The following XRCC4 variants were observed in gnomAD, a reference collection of about 807,000 sequenced individuals.
XRCC4 encodes the protein X-ray repair cross complementing 4.
XRCC4 carries 28 observed loss-of-function variants against 39.1 expected under a neutral mutation model. The ratio of observed to expected loss-of-function variants is 0.72; its 90% confidence interval spans 0.53 to 0.98. The LOEUF is 0.98. XRCC4 is among the 50% of genes least tolerant of loss of function. XRCC4 has a pLI of 0.00. For synonymous variants in XRCC4, 123 were observed against 126.4 expected (o/e 0.97, Z 0.18); for missense variants, 350 against 376.4 (o/e 0.93, Z 0.58).
the XRCC4 span, among the ~76,000 whole-genome samples, chr5:83,369,790 A>G: frequency 6.6e-6 from 1 of 152,146 alleles, no homozygotes; most frequent in Non-Finnish European, 1.5e-5. Flanking sequence ...GCTGGGTCAA[A>G]TGGTAGTTAA....
At chr5:83,321,126 G>C (rs980932869) in intron 7 of XRCC4, among the ~76,000 whole-genome samples, 3 of 152,052 alleles carry the variant, frequency 2.0e-5, no homozygotes, top group African/African-American at 7.2e-5. Flanking sequence ...ACATAATGCT[G>C]TTGCACACTT....
At chr5:83,217,424 G>A (rs2112777030) in intron 6 of XRCC4, among the ~76,000 whole-genome samples, 1 of 150,506 alleles carries the variant, frequency 6.6e-6, no homozygotes, top group South Asian at 2.1e-4. Flanking sequence ...GTACATCCTA[G>A]GTCAAGAAAG....
chr5:83,207,385 C>G (rs1239816522), intron 6 of XRCC4, among the ~76,000 whole-genome samples: 1 of 152,018 alleles, frequency 6.6e-6, no homozygotes, highest in Admixed American at 6.6e-5. Flanking sequence ...TAGTTTATTT[C>G]ATGTTCTTTC....
intron 6 of XRCC4, among the ~76,000 whole-genome samples, chr5:83,217,243 G>C (rs1751895531): frequency 1.3e-5 from 2 of 151,284 alleles, no homozygotes; most frequent in African/African-American, 2.4e-5. Context: ...TGTAGTCCCA[G>C]CTACTTGGGA....
intron 6 of XRCC4, among the ~76,000 whole-genome samples, chr5:83,256,772 A>C (rs1484074981): frequency 6.6e-6 from 1 of 152,168 alleles, no homozygotes; most frequent in African/African-American, 2.4e-5. Flanking sequence ...TTCACTTAGT[A>C]TTTGATCAAA....
At chr5:83,209,671 T>A (rs895474415) in intron 6 of XRCC4, among the ~76,000 whole-genome samples, 2 of 152,126 alleles carry the variant, frequency 1.3e-5, no homozygotes, top group Non-Finnish European at 2.9e-5. Flanking sequence ...CTAATGATTT[T>A]AATTCCTCAC....
chr5:83,134,799 C>T (rs529431811), intron 3 of XRCC4, among the ~76,000 whole-genome samples: 41 of 152,242 alleles, frequency 2.7e-4, no homozygotes, highest in Middle Eastern at 3.4e-3. Context: ...ACACTCACTG[C>T]GAAGTTCTGC....
chr5:83,230,961 T>C (rs556795345), intron 6 of XRCC4, among the ~76,000 whole-genome samples: 2 of 152,120 alleles, frequency 1.3e-5, no homozygotes, highest in South Asian at 4.1e-4. Flanking sequence ...TGCTGCCTGC[T>C]TGTTTAAAAC....
intron 6 of XRCC4, among the ~76,000 whole-genome samples, chr5:83,257,881 C>T (rs911189579): frequency 6.6e-6 from 1 of 152,172 alleles, no homozygotes; most frequent in Admixed American, 6.5e-5. Flanking sequence ...AGTTCATATC[C>T]TTTGCAGGGA....
intron 1 of XRCC4, among the ~76,000 whole-genome samples, chr5:83,084,404 A>G (rs1210117291): frequency 6.6e-6 from 1 of 152,236 alleles, no homozygotes; most frequent in Non-Finnish European, 1.5e-5. Flanking sequence ...AATTGCAGAC[A>G]GCAAATTTTT....
chr5:83,082,028 G>T (rs1744964522), intron 1 of XRCC4, among the ~76,000 whole-genome samples: 1 of 152,054 alleles, frequency 6.6e-6, no homozygotes, highest in Non-Finnish European at 1.5e-5. Flanking sequence ...CAACAAATCT[G>T]TTGGCTTTTT....
intron 7 of XRCC4, among the ~76,000 whole-genome samples, chr5:83,295,313 G>A (rs893901632): frequency 6.6e-6 from 1 of 151,874 alleles, no homozygotes; most frequent in Non-Finnish European, 1.5e-5. Flanking sequence ...AAAATGATAT[G>A]CATATAGAAT....
intron 3 of XRCC4, among the ~76,000 whole-genome samples, chr5:83,170,851 T>C (rs1055256576): frequency 2.0e-5 from 3 of 152,166 alleles, no homozygotes; most frequent in African/African-American, 7.2e-5. Context: ...GCAGGGCGTA[T>C]ATACCAGCGG....
intron 1 of XRCC4, among the ~76,000 whole-genome samples, chr5:83,092,825 A>G (rs915399557): frequency 2.0e-5 from 3 of 152,154 alleles, no homozygotes; most frequent in African/African-American, 7.2e-5. Flanking sequence ...CACACAGGAA[A>G]CTATCAAACC....
At chr5:83,281,621 T>C (rs1754542680) in intron 7 of XRCC4, among the ~76,000 whole-genome samples, 1 of 152,190 alleles carries the variant, frequency 6.6e-6, no homozygotes, top group Non-Finnish European at 1.5e-5. Flanking sequence ...CTGTTCTCTT[T>C]AGAATGGACA....
intron 7 of XRCC4, among the ~76,000 whole-genome samples, chr5:83,321,690 C>G (rs1014232236): frequency 1.3e-5 from 2 of 152,114 alleles, no homozygotes; most frequent in Admixed American, 6.6e-5. Flanking sequence ...ATCCATCTAC[C>G]TTTCAGGCAC....
chr5:83,363,337 C>T, the XRCC4 span, among the ~76,000 whole-genome samples: 9 of 152,120 alleles, frequency 5.9e-5, no homozygotes, highest in Admixed American at 1.3e-4. Context: ...ATAGGGTAGG[C>T]TACCCACTAA....
intron 6 of XRCC4, among the ~76,000 whole-genome samples, chr5:83,225,257 T>A (rs1227530385): frequency 6.6e-6 from 1 of 152,100 alleles, no homozygotes; most frequent in African/African-American, 2.4e-5. Flanking sequence ...GGAGCCAGAC[T>A]CTTAAGTTGT....
At chr5:83,280,358 C>CGAAT in intron 7 of XRCC4, 1 of 494,764 alleles carries the variant, frequency 2.0e-6, no homozygotes, top group Middle Eastern at 4.1e-4. Context: ...TCATGCATTT[C>CGAAT]CTTCATGTTT....
Sources: allele counts gnomAD v4.1 joint callset (sites outside exome capture counted in the v4.1 genomes callset), GRCh38; gene constraint gnomAD v4.1.1; transcripts MANE v1.5; gene names NCBI Gene and HGNC (gene_info 2026-07-23, HGNC 2026-07-21).